Variants in RYR3 observed in about 807,000 individuals in gnomAD.
The protein encoded by RYR3 is ryanodine receptor 3, also known as brain ryanodine receptor-calcium release channel.
Under a neutral mutation model 584.3 loss-of-function variants are expected in RYR3, and 207 were observed. The ratio of observed to expected loss-of-function variants is 0.35; its 90% CI spans 0.32 to 0.40. The LOEUF (loss-of-function observed/expected upper bound fraction) is 0.40, where lower values mean the gene tolerates loss of function less well. Among genes scored for constraint, RYR3 ranks in the 10% least tolerant of loss-of-function variants. The pLI is 1.00. For synonymous variants in RYR3, 2,416 were observed against 2,248.5 expected, an observed-to-expected ratio of 1.07 and a Z score of -2.11; for missense variants, 5,616 against 6,089.2, an observed-to-expected ratio of 0.92 and a Z score of 2.59.
chr15:33,827,141 A>G, intron 84 of RYR3, 58 bp from the exon 85 acceptor site: 1 of 1,226,768 alleles, frequency 8.2e-7, no homozygotes, highest in Non-Finnish European at 1.1e-6. Context: ...CTGAGAGGGC[A>G]TGCTTGGCCC....
chr15:33,675,010 G>A (rs2064083540), intron 38 of RYR3, among the ~76,000 whole-genome samples: 1 of 152,198 alleles, frequency 6.6e-6, no homozygotes, highest in Non-Finnish European at 1.5e-5. Flanking sequence ...CAGGAGAATG[G>A]GGTGAACCCA....
chr15:33,370,146 G>A (rs920424787), intron 1 of RYR3, among the ~76,000 whole-genome samples: 2 of 152,174 alleles, frequency 1.3e-5, no homozygotes, highest in South Asian at 4.1e-4. Flanking sequence ...GTTTGACTTG[G>A]AAGTATGTCT....
chr15:33,779,795 G>A (rs1486671775), intron 64 of RYR3, among the ~76,000 whole-genome samples: 1 of 151,938 alleles, frequency 6.6e-6, no homozygotes, highest in Non-Finnish European at 1.5e-5. Context: ...AAGGTCAGGA[G>A]ATCGAGACCA....
In RYR3 at chr15:33,473,458, A is replaced by G. The variant is rs777177685; in HGVS notation, c.91A>G (p.Lys31Glu). 6.8e-6 allele frequency: 11 copies of G among 1,613,876 alleles called. No individual in the cohort carries two copies. The Admixed American group carries it at 1.7e-4, about 24-fold the overall frequency. ...ACTCCAGTGCATCGCCACCATTCAT[A>G]AGGAGCAGAGGAAGTTCTGCCTGGC... Reference protein sequence around the residue: ...VVLQCIATIHKEQRKFCLAAE... With the variant: ...VVLQCIATIHEEQRKFCLAAE... The change falls in exon 2 of 104, where the codon AAG becomes GAG. Residue 31 changes from lysine (K) to glutamate (E), a missense_variant. Transcript: ENST00000634891.
intron 38 of RYR3, among the ~76,000 whole-genome samples, chr15:33,676,447 A>G (rs2064183628): frequency 6.6e-6 from 1 of 152,180 alleles, no homozygotes; most frequent in Admixed American, 6.5e-5. Context: ...AACAAAAAGT[A>G]TTTTTGAGGT....
chr15:33,769,270 C>T (rs1447132549), intron 62 of RYR3, 98 bp downstream of exon 62: 11 of 942,366 alleles, frequency 1.2e-5, no homozygotes, highest in Non-Finnish European at 1.9e-5. Flanking sequence ...TCGCTGCTGC[C>T]AGGCTTTGAG....
At chr15:33,653,973 T>C (rs1219806630) in intron 32 of RYR3, among the ~76,000 whole-genome samples, 1 of 152,188 alleles carries the variant, frequency 6.6e-6, no homozygotes, top group South Asian at 2.1e-4. Context: ...AGAAAAGCAC[T>C]TTTTTTAATT....
chr15:33,792,869 C>G (rs1374298895), intron 67 of RYR3, among the ~76,000 whole-genome samples: 1 of 152,158 alleles, frequency 6.6e-6, no homozygotes, highest in Non-Finnish European at 1.5e-5. Flanking sequence ...CTCCAGTTCT[C>G]CAACACCAAT....
At chr15:33,405,844 C>T (rs12913333) in intron 1 of RYR3, among the ~76,000 whole-genome samples, 14,800 of 152,226 alleles carry the variant, frequency 0.097, 890 homozygotes, top group African/African-American at 0.16. Flanking sequence ...TTGGCTCTGC[C>T]GTCCTCTGCT....
chr15:33,859,653 C>A lies in RYR3; in HGVS notation c.14221C>A (p.Pro4741Thr). 1.2e-6 allele frequency: 2 copies of A among 1,613,918 alleles called. No homozygotes were observed. The highest frequency in any genetic ancestry group is 1.1e-5 in the South Asian group (1 of 91,078). ...TGAAATTGAAGACCCTGCTGGTGATCCTTATGAAATGTATCGCATTGTCTT... is the reference window on the plus strand; with the variant it reads ...TGAAATTGAAGACCCTGCTGGTGATACTTATGAAATGTATCGCATTGTCTT... ...GDEIEDPAGD[P>T]YEMYRIVFDI... The change falls in exon 100 of 104, where the codon CCT becomes ACT. Residue 4741 changes from proline (P) to threonine (T), a missense_variant. By Grantham distance (38) the Pro-to-Thr change is conservative (BLOSUM62 -1). Around this residue, in one of 9 missense-constraint regions of RYR3, gnomAD observed 918 missense variants for 887.4 expected, o/e 1.03. Coordinates refer to ENST00000634891, the MANE Select transcript of RYR3 (RefSeq NM_001036.6).
At chr15:33,335,896 C>T (rs1408136522) in intron 1 of RYR3, among the ~76,000 whole-genome samples, 5 of 151,830 alleles carry the variant, frequency 3.3e-5, no homozygotes, top group African/African-American at 4.8e-5. Context: ...AATAAATTAA[C>T]CATCTAACAT....
intron 9 of RYR3, among the ~76,000 whole-genome samples, 188 bp from the exon 10 acceptor site, chr15:33,549,972 G>A (rs1490406708): frequency 6.6e-6 from 1 of 152,196 alleles, no homozygotes; most frequent in African/African-American, 2.4e-5. Context: ...CATCAAGAAA[G>A]AGCACTATGC....
intron 20 of RYR3, 59 bp from the exon 21 acceptor site, chr15:33,628,412 T>C (rs779877084): frequency 1.6e-5 from 21 of 1,272,968 alleles, no homozygotes; most frequent in Non-Finnish European, 2.2e-5. Flanking sequence ...CCAGCTCCTA[T>C]AGATTTTATG....
intron 1 of RYR3, among the ~76,000 whole-genome samples, chr15:33,315,642 A>G (rs1404835946): frequency 1.3e-5 from 2 of 152,224 alleles, no homozygotes; most frequent in Non-Finnish European, 2.9e-5. Flanking sequence ...TTAAAGACCC[A>G]TATCAGCCGA....
chr15:33,755,971 A>G (rs566388018), intron 58 of RYR3, among the ~76,000 whole-genome samples: 1 of 152,194 alleles, frequency 6.6e-6, no homozygotes, highest in South Asian at 2.1e-4. Flanking sequence ...ATGGGGTTTC[A>G]CCATGTTGTC....
intron 1 of RYR3, among the ~76,000 whole-genome samples, chr15:33,318,860 AGT>A (rs1282798072): frequency 6.6e-6 from 1 of 152,196 alleles, no homozygotes; most frequent in African/African-American, 2.4e-5. Flanking sequence ...GAAGTAGAAA[AGT>A]GTTTGAGAGA....
chr15:33,809,543 T>C (rs557002232), intron 70 of RYR3, among the ~76,000 whole-genome samples: 4 of 151,902 alleles, frequency 2.6e-5, no homozygotes, highest in African/African-American at 9.7e-5. Context: ...CCGTGGATGC[T>C]GAGGGTTCTC....
chr15:33,562,875 C>A lies in RYR3; in HGVS notation c.1011C>A (p.Asp337Glu). 6.2e-7 allele frequency: 1 copy of A among 1,613,216 alleles called. No individual in the cohort carries two copies. The highest frequency in any genetic ancestry group is 8.5e-7 in the Non-Finnish European group (1 of 1,179,270). ...KEKLDSSHKR[D>E]IEGMGVPEIK... ...AATTAGACTCCAGTCACAAGCGAGA[C>A]ATAGAAGGCATGGGAGTTCCAGAAA... Residue 337 changes from aspartate to glutamate, a missense_variant, in exon 11 of 104, where the codon GAC becomes GAA. Asp to Glu is a conservative substitution (Grantham distance 45). Coordinates refer to ENST00000634891, the MANE Select transcript of RYR3 (RefSeq NM_001036.6).
intron 60 of RYR3, among the ~76,000 whole-genome samples, chr15:33,763,330 C>A (rs1396621249): frequency 6.6e-6 from 1 of 151,786 alleles, no homozygotes; most frequent in East Asian, 1.9e-4. Context: ...AGTGAACAGG[C>A]AACCTACAGA....
Sources: gnomAD v4.1 joint callset for allele counts (sites outside exome capture counted in the v4.1 genomes callset) on GRCh38, gnomAD v4.1.1 for gene constraint, gnomAD v4.1.1 regional missense constraint, MANE v1.5 for transcripts, NCBI Gene and HGNC (gene_info 2026-07-23, HGNC 2026-07-21) for gene names.